SMARCD3: variants seen among roughly 807,000 people sequenced by gnomAD.
SMARCD3 encodes the protein SWI/SNF-related matrix-associated actin-dependent regulator of chromatin subfamily D member 3.
SMARCD3 carries 14 observed loss-of-function variants against 58.0 expected under a neutral mutation model. The observed-to-expected ratio is 0.24, with a 90% CI of 0.16 to 0.38. SMARCD3 has a LOEUF of 0.38. Ranked by LOEUF, SMARCD3 falls within the 10% of genes least tolerant of loss-of-function variation. The pLI, the probability that SMARCD3 is intolerant of heterozygous loss-of-function variation, is 1.00. For synonymous variants in SMARCD3, 253 were observed against 253.8 expected, an observed-to-expected ratio of 1.00 and a Z score of 0.03; for missense variants, 408 against 636.9, an observed-to-expected ratio of 0.64 and a Z score of 3.87.
Position 151,242,284 on chromosome 7 carries a change from G to A in SMARCD3, c.580-52C>T, listed in dbSNP as rs768681692. 2.7e-6 allele frequency: 4 copies of A among 1,492,826 alleles called. No homozygotes were observed. The highest frequency in any genetic ancestry group is 3.7e-6 in the Non-Finnish European group (4 of 1,069,720). The allele number at this position is 1,492,826 out of a possible 1,614,324, so 92.5% of individuals were successfully genotyped here. On this transcript the variant is annotated intron_variant, in intron 5 of 12. Coordinates refer to ENST00000262188, the MANE Select transcript of SMARCD3 (RefSeq NM_001003801.2). This position sits in a 1 kb window ranked among gnomAD's most constrained non-coding sequence, Gnocchi z 4.7. ...GGGCAGAACAGGGACGAGGTGGGAGGAGCAGAAGGAGGCCAAGTTGGCAGC... is the reference window on the plus strand; with the variant it reads ...GGGCAGAACAGGGACGAGGTGGGAGAAGCAGAAGGAGGCCAAGTTGGCAGC...
Position 151,270,805 on chromosome 7 carries a change from G to A in SMARCD3, c.39+4309C>T, listed in dbSNP as rs572833288. Among the ~76,000 whole-genome samples, 9 of 152,282 alleles carry A rather than the reference G, an allele frequency of 5.9e-5. No individual in the cohort carries two copies. In the South Asian group the frequency reaches 1.0e-3, roughly 18 times the overall value. On this transcript the variant is annotated intron_variant, in intron 2 of 13. Transcript: ENST00000356800. ...GTGCTGGGCCGGGGTCTGATGCAGG[G>A]ACAAGGCTGAGTATGCGGCACTCAG...
At chr7:151,267,492 G>A (rs888367281) in intron 2 of SMARCD3, among the ~76,000 whole-genome samples, 2 of 152,148 alleles carry the variant, frequency 1.3e-5, no homozygotes, top group Admixed American at 1.3e-4. Context: ...TTGGTACTCC[G>A]GGTTTAAGAC....
intron 2 of SMARCD3, among the ~76,000 whole-genome samples, chr7:151,259,615 T>TTGTTG (rs1554490163): frequency 3.0e-5 from 4 of 134,202 alleles, no homozygotes; most frequent in African/African-American, 1.2e-4. Flanking sequence ...TTTTTTTTTT[T>TTGTTG]TTTTTTTTTT....
intron 1 of SMARCD3, among the ~76,000 whole-genome samples, chr7:151,276,433 A>G (rs1584903710): frequency 8.8e-6 from 1 of 113,286 alleles, no homozygotes; most frequent in Non-Finnish European, 1.9e-5. Flanking sequence ...AGACAGGGGG[A>G]GGAGGGGAAG....
chr7:151,275,222 G>T, exon 2 of SMARCD3: 1 of 1,359,494 alleles, frequency 7.4e-7, no homozygotes, highest in Non-Finnish European at 1.0e-6. Context: ...AGCCCACCGC[G>T]CCTGCAGCAC....
chr7:151,244,485 C>T (rs1419518993), intron 2 of SMARCD3, among the ~76,000 whole-genome samples: 1 of 152,078 alleles, frequency 6.6e-6, no homozygotes, highest in Non-Finnish European at 1.5e-5. Flanking sequence ...TCCATACTGC[C>T]CCCGTGTGGT....
At position 151,239,216 on chromosome 7, in the gene SMARCD3, C is replaced by A. The variant is rs375621738; in HGVS notation, c.1399-60G>T. 2.6e-5 allele frequency: 41 copies of A among 1,556,874 alleles called. No individual in the cohort carries two copies. The highest frequency in any genetic ancestry group is 4.1e-5 in the African/African-American group (3 of 73,768). On this transcript the variant is annotated intron_variant, in intron 12 of 12. Coordinates refer to ENST00000262188, the MANE Select transcript of SMARCD3 (RefSeq NM_001003801.2). The surrounding 1 kb of genome is among the most constrained non-coding windows in gnomAD (Gnocchi z 7.0). Reference sequence around the variant, plus strand: ...TGTTCTGGTGAGTGATCAGGACAATCCCACCTACTGACACCGCCTGCCCTG... The same window carrying A: ...TGTTCTGGTGAGTGATCAGGACAATACCACCTACTGACACCGCCTGCCCTG...
chr7:151,274,229 G>A (rs1163074457), intron 2 of SMARCD3, among the ~76,000 whole-genome samples: 3 of 152,214 alleles, frequency 2.0e-5, no homozygotes, highest in Non-Finnish European at 4.4e-5. Context: ...CTGTTGCCAG[G>A]TGCCTCCCAC....
intron 2 of SMARCD3, among the ~76,000 whole-genome samples, chr7:151,262,891 A>G (rs988284356): frequency 7.0e-6 from 1 of 143,534 alleles, no homozygotes; most frequent in African/African-American, 2.6e-5. Context: ...CTCATGCTTT[A>G]TCTTGGCGAG....
At chr7:151,252,172 G>T (rs868138013), upstream of SMARCD3, among the ~76,000 whole-genome samples, 2 of 152,176 alleles carry the variant, frequency 1.3e-5, no homozygotes, top group African/African-American at 2.4e-5. Context: ...CCACCACGGG[G>T]ACTCCGCTCG....
chr7:151,276,471 G>A (rs564769461), intron 1 of SMARCD3, among the ~76,000 whole-genome samples: 20 of 145,888 alleles, frequency 1.4e-4, no homozygotes, highest in South Asian at 2.3e-4. Flanking sequence ...GCCAGACGAG[G>A]GAAGGAGGGG....
Position 151,239,420 on chromosome 7 carries a change from G to T in SMARCD3, c.1374C>A (p.Ala458=), listed in dbSNP as rs139287814. The T allele has an allele frequency of 5.8e-5, 94 of 1,613,518 alleles. No individual in the cohort carries two copies. The highest frequency in any genetic ancestry group is 7.9e-5 in the Non-Finnish European group (93 of 1,179,840). ...CCTTGCAGTAGAAGTAGCGACTGAC[G>T]GCCTCCTGGGACCAGGGCTGGTGGT... ...EFYHQPWSQE[A]VSRYFYCKIQ... The change falls in exon 12 of 13, where the codon GCC becomes GCA. Residue 458 remains alanine, a synonymous_variant. Transcript: ENST00000262188. This position sits in a 1 kb window ranked among gnomAD's most constrained non-coding sequence, Gnocchi z 7.0.
In SMARCD3 at chr7:151,248,589, C is replaced by T. The variant is rs1287087416; in HGVS notation, c.-27G>A. 1 of 1,500,242 alleles carries T rather than the reference C, an allele frequency of 6.7e-7. No individual in the cohort carries two copies. Among genetic ancestry groups the T allele is most frequent in the East Asian group, 2.4e-5 (1 of 40,966 alleles). The allele number at this position is 1,500,242 out of a possible 1,614,324, so 92.9% of individuals were successfully genotyped here. A position where few individuals can be genotyped will look rare whatever the true frequency, so the allele number is the denominator to read the frequency against. ...GGGGTGGGCTCAGCGGCTCCTCTCA[C>T]TCTCTCTCTCTCTTCCTCTTTCTTT... On this transcript the variant is annotated 5_prime_UTR_variant, in exon 1 of 13. In the 5' UTR this introduces an upstream ATG that the reference lacks. Coordinates refer to ENST00000262188, the MANE Select transcript of SMARCD3 (RefSeq NM_001003801.2). The surrounding 1 kb of genome is among the most constrained non-coding windows in gnomAD (Gnocchi z 6.1).
Position 151,272,754 on chromosome 7 carries a change from C to T in SMARCD3, c.39+2360G>A, listed in dbSNP as rs138645088. Among the ~76,000 whole-genome samples the T allele has an allele frequency of 5.0e-3, 763 of 152,294 alleles. 11 individuals are homozygous for T. The highest frequency in any genetic ancestry group is 0.017 in the African/African-American group (720 of 41,560). On this transcript the variant is annotated intron_variant, in intron 2 of 13. Coordinates refer to the SMARCD3 transcript ENST00000356800. ...TTATGAGTCACCAAGGATTCCCACA[C>T]CCCTCATTAGCAAGGAGCACAGGGG...
rs122815 is a variant in SMARCD3 at position 151,243,571 on chromosome 7, T to C, written c.333+88A>G. On this transcript the variant is annotated intron_variant, in intron 3 of 12. Coordinates refer to ENST00000262188, the MANE Select transcript of SMARCD3 (RefSeq NM_001003801.2). The surrounding 1 kb of genome is among the most constrained non-coding windows in gnomAD (Gnocchi z 4.4). ...AAACAAAAAGTGAAAGTGACTGTGA[T>C]GCTGAAGCTCTGCTTCTGAGGGGGG... 0.94 allele frequency: 730,409 copies of C among 779,590 alleles called. 342,414 individuals are homozygous for C. Among genetic ancestry groups the C allele is most frequent in the African/African-American group, 0.97 (57,130 of 58,926 alleles). The allele number at this position is 779,590 out of a possible 1,614,324, so 48.3% of individuals were successfully genotyped here. A position where few individuals can be genotyped will look rare whatever the true frequency, so the allele number is the denominator to read the frequency against.
chr7:151,238,860 A>G lies in SMARCD3; in HGVS notation c.*243T>C. On this transcript the variant is annotated 3_prime_UTR_variant, in exon 13 of 13. Coordinates refer to ENST00000262188, the MANE Select transcript of SMARCD3 (RefSeq NM_001003801.2). ...CTAGGGAAAATTGAGTAAGGAGAAG[A>G]ATCCAAGGGAAGGGAATGGGGAGTC... is the stretch of plus-strand genomic sequence containing the variant. 7.0e-7 allele frequency: 1 copy of G among 1,430,416 alleles called. No homozygotes were observed. The highest frequency in any genetic ancestry group is 9.5e-7 in the Non-Finnish European group (1 of 1,054,590). 88.6% of individuals were successfully genotyped at this position (1,430,416 alleles called of 1,614,324 possible). A position where few individuals can be genotyped will look rare whatever the true frequency, so the allele number is the denominator to read the frequency against.
At chr7:151,256,681 G>C (rs1048618981) in intron 2 of SMARCD3, among the ~76,000 whole-genome samples, 1 of 151,962 alleles carries the variant, frequency 6.6e-6, no homozygotes, top group Non-Finnish European at 1.5e-5. Context: ...CCCACACCCC[G>C]ACAGGAGTTT....
Position 151,242,828 on chromosome 7 carries a change from G to T in SMARCD3, c.349C>A (p.Pro117Thr), listed in dbSNP as rs907315567. 1 of 1,614,000 alleles carries T rather than the reference G, an allele frequency of 6.2e-7. No individual in the cohort carries two copies. The highest frequency in any genetic ancestry group is 1.3e-5 in the African/African-American group (1 of 74,912). Residue 117 changes from proline to threonine, a missense_variant, in exon 4 of 13, where the codon CCC becomes ACC. Transcript: ENST00000262188. The surrounding 1 kb of genome is among the most constrained non-coding windows in gnomAD (Gnocchi z 4.7). ...ILPQRIRELV[P>T]ESQAYMDLLA... ...AGGTCCATGTAAGCCTGGGACTCGG[G>T]GACCAGCTCCCGAATCTGGAGAAGG... is the stretch of plus-strand genomic sequence containing the variant.
rs959934298 is a variant in SMARCD3, at chr7:151,245,599, T to C, written c.151A>G (p.Met51Val). 5.1e-5 allele frequency: 60 copies of C among 1,171,092 alleles called. No individual in the cohort carries two copies. The highest frequency in any genetic ancestry group is 3.2e-4 in the Middle Eastern group (1 of 3,108). 72.5% of individuals were successfully genotyped at this position (1,171,092 alleles called of 1,614,324 possible). The change falls in exon 2 of 13, where the codon ATG (methionine) becomes GTG (valine). Residue 51 changes from methionine to valine, a missense_variant. Transcript: ENST00000262188. The surrounding 1 kb of genome is among the most constrained non-coding windows in gnomAD (Gnocchi z 6.2). ...CCGGGTCGCACGGCGGGGCTGCCCA[T>C]GTACGGGGAGCCCGGGGGGCCCATG... ...APMGPPGSPY[M>V]GSPAVRPGLA...
Sources: gnomAD v4.1 joint callset for allele counts (sites outside exome capture counted in the v4.1 genomes callset) on GRCh38, gnomAD v4.1.1 for gene constraint, Gnocchi (gnomAD v3.1) non-coding constraint, MANE v1.5 for transcripts, NCBI Gene and HGNC (gene_info 2026-07-23, HGNC 2026-07-21) for gene names.